ZNF106: variants seen among roughly 807,000 people sequenced by gnomAD.
ZNF106 encodes the protein SH3-domain binding protein 3.
ZNF106 carries 67 observed loss-of-function variants against 195.1 expected under a neutral mutation model. The ratio of observed to expected loss-of-function variants is 0.34; its 90% CI spans 0.28 to 0.42. The LOEUF (loss-of-function observed/expected upper bound fraction) is 0.42, where lower values mean the gene tolerates loss of function less well. Ranked by LOEUF, ZNF106 falls within the 10% of genes least tolerant of loss-of-function variation. ZNF106 has a pLI of 1.00. For missense variants in ZNF106, 2,118 were observed against 2,304.5 expected (o/e 0.92, Z 1.66); for synonymous variants, 784 against 818.6 (o/e 0.96, Z 0.72).
At position 42,448,331 on chromosome 15, in the gene ZNF106, T is replaced by C; in HGVS notation, c.2876A>G (p.His959Arg). 2 of 1,614,214 alleles carry C rather than the reference T, an allele frequency of 1.2e-6. No homozygotes were observed. Among genetic ancestry groups the C allele is most frequent in the Non-Finnish European group, 1.7e-6 (2 of 1,180,044 alleles). ...ATGGTCAGAGGATAATTGTGCACTA[T>C]GTCGCCTTTGGGTAGCAACATTTTC... ...RAENVATQRRHSAQLSSDHII... is the reference protein window; with the variant it reads ...RAENVATQRRRSAQLSSDHII... Residue 959 changes from histidine to arginine, a missense_variant, in exon 6 of 22, where the codon CAT (histidine) becomes CGT (arginine). Transcript: ENST00000564754.
intron 10 of ZNF106, among the ~76,000 whole-genome samples, chr15:42,441,389 T>C (rs1466206617): frequency 6.6e-6 from 1 of 151,982 alleles, no homozygotes; most frequent in Non-Finnish European, 1.5e-5. Flanking sequence ...TAGATTAATA[T>C]TGCAACATAG....
intron 1 of ZNF106, among the ~76,000 whole-genome samples, chr15:42,484,625 A>G (rs765592128): frequency 3.3e-5 from 5 of 152,172 alleles, no homozygotes; most frequent in African/African-American, 4.8e-5. Context: ...GTAGTCCCAC[A>G]TACTCAGGAA....
intron 14 of ZNF106, among the ~76,000 whole-genome samples, chr15:42,428,528 T>C (rs2054936503): frequency 6.6e-6 from 1 of 152,190 alleles, no homozygotes; most frequent in South Asian, 2.1e-4. Flanking sequence ...TAATCAAATA[T>C]GTGGTTTTCC....
chr15:42,429,260 G>A (rs956598159), intron 14 of ZNF106, among the ~76,000 whole-genome samples: 2 of 151,278 alleles, frequency 1.3e-5, no homozygotes, highest in African/African-American at 4.9e-5. Context: ...CTAACACGGT[G>A]AAACCCTGTT....
intron 4 of ZNF106, among the ~76,000 whole-genome samples, chr15:42,453,458 T>C (rs2056117208): frequency 6.6e-6 from 1 of 152,238 alleles, no homozygotes; most frequent in African/African-American, 2.4e-5. Flanking sequence ...TGCATGGGCA[T>C]GGTGCTTAGC....
At chr15:42,482,533 T>TG (rs1266869067) in intron 1 of ZNF106, among the ~76,000 whole-genome samples, 1 of 138,964 alleles carries the variant, frequency 7.2e-6, no homozygotes, top group African/African-American at 2.8e-5. Flanking sequence ...TTTTTTTTTT[T>TG]TTTTTTTTTT....
chr15:42,465,142 C>G (rs2056486381), intron 3 of ZNF106, among the ~76,000 whole-genome samples: 1 of 152,228 alleles, frequency 6.6e-6, no homozygotes, highest in East Asian at 1.9e-4. Context: ...CTCAAGCAAT[C>G]TGCCTGGCTC....
At position 42,417,866 on chromosome 15, in the gene ZNF106, G is replaced by A. The variant is rs767057566; in HGVS notation, c.5603C>T (p.Thr1868Ile). The change falls in exon 21 of 22, where the codon ACT becomes ATT. Residue 1868 changes from threonine to isoleucine, a missense_variant. By Grantham distance (89) the Thr-to-Ile change is moderately conservative. Transcript: ENST00000564754. ...LTDHTNPNFQ[T>I]LKCRWKNCDA... ...GCAGTTCTTCCAGCGACATTTCAGA[G>A]TCTGGAAGTTGGGATTAGTGTGGTC... 1.9e-5 allele frequency: 30 copies of A among 1,613,948 alleles called. No individual in the cohort carries two copies. In the African/African-American group the frequency reaches 4.0e-4, roughly 22 times the overall value.
intron 1 of ZNF106, among the ~76,000 whole-genome samples, chr15:42,480,247 G>C (rs994674679): frequency 6.6e-6 from 1 of 152,160 alleles, no homozygotes; most frequent in Non-Finnish European, 1.5e-5. Flanking sequence ...TCAGGCACAA[G>C]CATAGTTATA....
At chr15:42,480,885 T>C (rs2056884651) in intron 1 of ZNF106, among the ~76,000 whole-genome samples, 1 of 152,082 alleles carries the variant, frequency 6.6e-6, no homozygotes, top group Non-Finnish European at 1.5e-5. Context: ...CTTGGGAGGC[T>C]AAGGCAGGAG....
chr15:42,456,865 A>T, intron 4 of ZNF106, 93 bp downstream of exon 4: 1 of 1,204,966 alleles, frequency 8.3e-7, no homozygotes, highest in African/African-American at 1.5e-5. Context: ...ACCTAAGTTT[A>T]AATGCCATGG....
rs777259358 is a variant in ZNF106, at chr15:42,442,447, A to G, written c.3422-33T>C. 3.0e-5 allele frequency: 46 copies of G among 1,542,624 alleles called. No individual in the cohort carries two copies. In the Middle Eastern group the frequency reaches 5.4e-4, roughly 18 times the overall value. On this transcript the variant is annotated intron_variant, in intron 9 of 21. Coordinates refer to ENST00000564754, the MANE Select transcript of ZNF106 (RefSeq NM_001366845.3). Reference sequence around the variant, plus strand: ...GGGAAACATACATACATAGAAATGCAAAAATGTTATCTGAAAAGTCATTTG... The same window carrying G: ...GGGAAACATACATACATAGAAATGCGAAAATGTTATCTGAAAAGTCATTTG...
intron 15 of ZNF106, 55 bp downstream of exon 15, chr15:42,427,963 C>T (rs2054913764): frequency 6.9e-7 from 1 of 1,453,226 alleles, no homozygotes; most frequent in East Asian, 2.3e-5. Flanking sequence ...CCCACACATG[C>T]TCACACTGTT....
At chr15:42,431,909 C>A (rs1003447866) in intron 14 of ZNF106, among the ~76,000 whole-genome samples, 1 of 152,148 alleles carries the variant, frequency 6.6e-6, no homozygotes, top group Non-Finnish European at 1.5e-5. Context: ...CCACCACACC[C>A]GGCCAGTGTT....
At chr15:42,446,964 G>A (rs1267631446) in intron 6 of ZNF106, among the ~76,000 whole-genome samples, 1 of 152,166 alleles carries the variant, frequency 6.6e-6, no homozygotes, top group Non-Finnish European at 1.5e-5. Context: ...TATAGACAAA[G>A]CCAGTAAAAT....
chr15:42,469,489 T>C (rs1371360945), intron 2 of ZNF106, among the ~76,000 whole-genome samples: 1 of 152,090 alleles, frequency 6.6e-6, no homozygotes, highest in African/African-American at 2.4e-5. Context: ...CCTTCTCCCA[T>C]CCTGCTCCAA....
At chr15:42,440,333 A>G (rs577231506) in intron 10 of ZNF106, among the ~76,000 whole-genome samples, 1 of 152,328 alleles carries the variant, frequency 6.6e-6, no homozygotes, top group Non-Finnish European at 1.5e-5. Context: ...GACATATACA[A>G]TGCAGTGTTA....
chr15:42,421,122 C>G lies in ZNF106; in HGVS notation c.5456G>C (p.Gly1819Ala), dbSNP rs2054641296. The G allele has an allele frequency of 6.2e-7, 1 of 1,613,928 alleles. No homozygotes were observed. Among genetic ancestry groups the G allele is most frequent in the Admixed American group, 1.7e-5 (1 of 59,984 alleles). The change falls in exon 20 of 22, where the codon GGC becomes GCC. Residue 1819 changes from glycine (G) to alanine (A), a missense_variant. Coordinates refer to ENST00000564754, the MANE Select transcript of ZNF106 (RefSeq NM_001366845.3). ...GGCCTGAATACTGCCATCATAACAGCCAGTGTAAATCTGGAGAAAGAGAGG... is the reference window on the plus strand; with the variant it reads ...GGCCTGAATACTGCCATCATAACAGGCAGTGTAAATCTGGAGAAAGAGAGG... ...MTIHKSMIYT[G>A]CYDGSIQAVR...
intron 16 of ZNF106, 137 bp from the exon 17 acceptor site, chr15:42,424,197 A>G: frequency 1.4e-6 from 1 of 699,828 alleles, no homozygotes; most frequent in African/African-American, 1.8e-5. Context: ...AAAGTTTCTC[A>G]GATGAATTTT....
Sources: allele counts gnomAD v4.1 joint callset (sites outside exome capture counted in the v4.1 genomes callset), GRCh38; gene constraint gnomAD v4.1.1; transcripts MANE v1.5; gene names NCBI Gene and HGNC (gene_info 2026-07-23, HGNC 2026-07-21).